CAVIN1: variants seen among roughly 807,000 people sequenced by gnomAD.
The protein encoded by CAVIN1 is caveolae-associated protein 1.
A neutral mutation model predicts 24.0 loss-of-function variants in CAVIN1; 16 were observed. The ratio of observed to expected loss-of-function variants is 0.67; its 90% CI spans 0.45 to 1.01. The LOEUF (loss-of-function observed/expected upper bound fraction) is 1.01, where lower values mean the gene tolerates loss of function less well. Among genes scored for constraint, CAVIN1 ranks in the 50% least tolerant of loss-of-function variants. The pLI is 0.00. For synonymous variants in CAVIN1, 256 were observed against 256.4 expected, an observed-to-expected ratio of 1.00 and a Z score of 0.02; for missense variants, 510 against 551.7, an observed-to-expected ratio of 0.92 and a Z score of 0.76.
chr17:42,422,386 G>T (rs1420806569), intron 1 of CAVIN1, among the ~76,000 whole-genome samples: 1 of 152,160 alleles, frequency 6.6e-6, no homozygotes, highest in Non-Finnish European at 1.5e-5. Flanking sequence ...TGAGTGGGGA[G>T]GTGCGAGGTG....
chr17:42,409,476 G>A (rs952636414), intron 1 of CAVIN1, among the ~76,000 whole-genome samples: 21 of 152,060 alleles, frequency 1.4e-4, no homozygotes, highest in African/African-American at 4.1e-4. Flanking sequence ...CCCATTCATC[G>A]TAGGCTTCCC....
At chr17:42,405,705 T>TTTA (rs1567776726) in intron 1 of CAVIN1, among the ~76,000 whole-genome samples, 4 of 149,622 alleles carry the variant, frequency 2.7e-5, no homozygotes, top group South Asian at 2.1e-4. Context: ...TTTTTTTTTT[T>TTTA]AAACGGAGTC....
intron 1 of CAVIN1, among the ~76,000 whole-genome samples, chr17:42,416,593 C>CA (rs34249867): frequency 0.083 from 4,519 of 54,260 alleles, 137 homozygotes; most frequent in Non-Finnish European, 0.11. Flanking sequence ...GATCCTTTCT[C>CA]AAAAAAAAAA....
chr17:42,409,171 G>C (rs2085462201), intron 1 of CAVIN1, among the ~76,000 whole-genome samples: 1 of 151,994 alleles, frequency 6.6e-6, no homozygotes, highest in African/African-American at 2.4e-5. Context: ...CATGATTACA[G>C]GTCACTACAG....
intron 1 of CAVIN1, among the ~76,000 whole-genome samples, chr17:42,417,226 G>A (rs1251621307): frequency 6.6e-6 from 1 of 152,170 alleles, no homozygotes; most frequent in Non-Finnish European, 1.5e-5. Flanking sequence ...GGCCAAGGCA[G>A]GTGGATTGCT....
chr17:42,418,920 G>A (rs942278732), intron 1 of CAVIN1, among the ~76,000 whole-genome samples: 15 of 152,252 alleles, frequency 9.9e-5, no homozygotes, highest in African/African-American at 3.4e-4. Context: ...GGATGCACGT[G>A]GTAGCTCATG....
chr17:42,411,788 G>C (rs2085480378), intron 1 of CAVIN1: 1 of 985,344 alleles, frequency 1.0e-6, no homozygotes, highest in Admixed American at 6.2e-5. Context: ...TGCAGCTTAA[G>C]TGTGGGGGAG....
Position 42,403,635 on chromosome 17 carries a change from TC to T in CAVIN1, c.*1051del, listed in dbSNP as rs1272083872. ...CACCTTCTCCTATTTTCCTTTTTTTTCCTTCTGTTGAGATGGAGTCTCACTC... is the reference window on the plus strand; with the variant it reads ...CACCTTCTCCTATTTTCCTTTTTTTTCTTCTGTTGAGATGGAGTCTCACTC... On this transcript the variant is annotated 3_prime_UTR_variant, in exon 2 of 2. Coordinates refer to ENST00000357037, the MANE Select transcript of CAVIN1 (RefSeq NM_012232.6). The T allele has an allele frequency of 6.5e-6, 1 of 152,680 alleles. No homozygotes were observed. The highest frequency in any genetic ancestry group is 1.5e-5 in the Non-Finnish European group (1 of 68,140). The allele number at this position is 152,680 out of a possible 1,614,324, so 9.5% of individuals were successfully genotyped here.
intron 1 of CAVIN1, among the ~76,000 whole-genome samples, chr17:42,415,450 C>T (rs543600002): frequency 7.2e-5 from 11 of 152,172 alleles, no homozygotes; most frequent in Non-Finnish European, 1.2e-4. Context: ...CGGTGGCTCA[C>T]GCCTGTAATC....
intron 1 of CAVIN1, among the ~76,000 whole-genome samples, chr17:42,418,962 C>T (rs2085528978): frequency 6.6e-6 from 1 of 152,240 alleles, no homozygotes; most frequent in South Asian, 2.1e-4. Flanking sequence ...GAGGCCCAGA[C>T]AGGAGAACTG....
At chr17:42,414,579 G>A (rs1029849874) in intron 1 of CAVIN1, among the ~76,000 whole-genome samples, 2 of 152,056 alleles carry the variant, frequency 1.3e-5, no homozygotes. Flanking sequence ...TATGTCCTGG[G>A]ACCTCTGGAC....
chr17:42,412,253 A>G, intron 1 of CAVIN1: 1 of 985,142 alleles, frequency 1.0e-6, no homozygotes, highest in Non-Finnish European at 1.2e-6. Flanking sequence ...TTCTTGGGCT[A>G]AGATGAGGAA....
intron 1 of CAVIN1, among the ~76,000 whole-genome samples, chr17:42,412,789 A>T (rs7218488): frequency 6.6e-6 from 1 of 150,752 alleles, no homozygotes; most frequent in African/African-American, 2.5e-5. Context: ...AGCTAATTTT[A>T]TACTTTTAGT....
rs2085569038 is a variant in CAVIN1, at chr17:42,423,173, G to A, written c.-76C>T. The A allele has an allele frequency of 1.7e-6, 2 of 1,181,084 alleles. No homozygotes were observed. Among genetic ancestry groups the A allele is most frequent in the African/African-American group, 1.5e-5 (1 of 64,534 alleles). 73.2% of individuals were successfully genotyped at this position (1,181,084 alleles called of 1,614,324 possible). A position where few individuals can be genotyped will look rare whatever the true frequency, so the allele number is the denominator to read the frequency against. ...GGAGACCCGGAGAGAAGCAGGAGCG[G>A]AAGGGAGGAGAGCTAGCGGGCGAGA... On this transcript the variant is annotated 5_prime_UTR_variant, in exon 1 of 2. Coordinates refer to ENST00000357037, the MANE Select transcript of CAVIN1 (RefSeq NM_012232.6).
Position 42,404,667 on chromosome 17 carries a change from T to G in CAVIN1, c.*20A>C, listed in dbSNP as rs1462679528. ...AGTTCGGAAGGAGCGAGGAATGGGG[T>G]GGGTGGCAGCGGGGGCGGCTCAGTC... On this transcript the variant is annotated 3_prime_UTR_variant, in exon 2 of 2. Coordinates refer to ENST00000357037, the MANE Select transcript of CAVIN1 (RefSeq NM_012232.6). The G allele has an allele frequency of 2.9e-6, 4 of 1,389,498 alleles. No homozygotes were observed. The highest frequency in any genetic ancestry group is 1.5e-5 in the African/African-American group (1 of 66,412). 86.1% of individuals were successfully genotyped at this position (1,389,498 alleles called of 1,614,324 possible). A position where few individuals can be genotyped will look rare whatever the true frequency, so the allele number is the denominator to read the frequency against.
Position 42,411,732 on chromosome 17 carries a change from C to T in CAVIN1, c.472-6344G>A, listed in dbSNP as rs570720453. The stretch of plus-strand genomic sequence containing the variant: ...CCTCAGGAGGAGGCAGCAGGGGGAA[C>T]GGCAGAACCAGAAGCCATGCGCCTT... On this transcript the variant is annotated intron_variant, in intron 1 of 1. Coordinates refer to ENST00000357037, the MANE Select transcript of CAVIN1 (RefSeq NM_012232.6). The T allele has an allele frequency of 4.5e-4, 442 of 985,396 alleles. 2 individuals are homozygous for T. The African/African-American group carries it at 6.9e-3, about 15-fold the overall frequency. The allele number at this position is 985,396 out of a possible 1,614,324, so 61.0% of individuals were successfully genotyped here. A position where few individuals can be genotyped will look rare whatever the true frequency, so the allele number is the denominator to read the frequency against.
chr17:42,404,966 G>A lies in CAVIN1; in HGVS notation c.894C>T (p.Arg298=). 1.2e-6 allele frequency: 2 copies of A among 1,614,148 alleles called. No individual in the cohort carries two copies. Among genetic ancestry groups the A allele is most frequent in the East Asian group, 2.2e-5 (1 of 44,870 alleles). Residue 298 remains arginine (R), a synonymous_variant, in exon 2 of 2, where the codon CGC becomes CGT. Transcript: ENST00000357037. The stretch of plus-strand genomic sequence containing the variant: ...CCACGTGGTCGGGCGTGAAGGATTT[G>A]CGCAACTTGTCCCGCGACGTCTTCA... The part of the protein sequence containing the change: ...EKLKTSRDKL[R]KSFTPDHVVY...
intron 1 of CAVIN1, chr17:42,412,082 G>C: frequency 2.0e-6 from 2 of 985,350 alleles, no homozygotes; most frequent in Non-Finnish European, 2.4e-6. Flanking sequence ...TCTGGGGTGG[G>C]CCGGGGCCCA....
intron 1 of CAVIN1, among the ~76,000 whole-genome samples, chr17:42,409,348 G>A (rs1046975888): frequency 2.0e-5 from 3 of 150,980 alleles, no homozygotes; most frequent in African/African-American, 7.3e-5. Context: ...TGATCCCCTT[G>A]CCTCGGCCTC....
Sources: allele counts gnomAD v4.1 joint callset (sites outside exome capture counted in the v4.1 genomes callset), GRCh38; gene constraint gnomAD v4.1.1; transcripts MANE v1.5; gene names NCBI Gene and HGNC (gene_info 2026-07-23, HGNC 2026-07-21).